LOC400499: variants seen among roughly 807,000 people sequenced by gnomAD.
At chr16:11,482,311 G>A in the LOC400499 span, among the ~76,000 whole-genome samples, 2 of 152,190 alleles carry the variant, frequency 1.3e-5, no homozygotes, top group Non-Finnish European at 2.9e-5. Flanking sequence ...GGGGTATGGG[G>A]AGTCCCTGGC....
the LOC400499 span, among the ~76,000 whole-genome samples, chr16:11,492,389 G>A: frequency 6.6e-6 from 1 of 151,656 alleles, no homozygotes; most frequent in Non-Finnish European, 1.5e-5. Context: ...CACTGTGCTA[G>A]GTGACAGCCA....
At chr16:11,427,594 C>T in the LOC400499 span, among the ~76,000 whole-genome samples, 7 of 151,814 alleles carry the variant, frequency 4.6e-5, no homozygotes, top group South Asian at 1.5e-3. Context: ...TAGGCATGCA[C>T]CACCATGCCC....
chr16:11,479,547 C>T, the LOC400499 span, among the ~76,000 whole-genome samples: 4 of 151,948 alleles, frequency 2.6e-5, no homozygotes, highest in Non-Finnish European at 5.9e-5. Context: ...CGCTTGAGCC[C>T]AGGAGTTCAA....
the LOC400499 span, among the ~76,000 whole-genome samples, chr16:11,420,883 T>G: frequency 1.3e-5 from 2 of 152,196 alleles, no homozygotes; most frequent in Admixed American, 1.3e-4. Context: ...AGCCCTGCTC[T>G]AGGCAGAAGG....
the LOC400499 span, chr16:11,478,108 T>C: frequency 1.3e-5 from 5 of 390,950 alleles, no homozygotes; most frequent in Admixed American, 1.4e-4. Context: ...AGCCCAAGAG[T>C]TTGAGACCAG....
chr16:11,477,272 G>T, the LOC400499 span, among the ~76,000 whole-genome samples: 1 of 152,216 alleles, frequency 6.6e-6, no homozygotes, highest in South Asian at 2.1e-4. Context: ...ACCCAGCCTA[G>T]GGCATCTGCA....
At chr16:11,383,902 CTCAAG>C in the LOC400499 span, 1 of 1,232,064 alleles carries the variant, frequency 8.1e-7, no homozygotes, top group African/African-American at 1.5e-5. Context: ...GAAGCAGTCC[CTCAAG>C]CTGGAGTGGG....
At chr16:11,377,037 T>G in the LOC400499 span, among the ~76,000 whole-genome samples, 1 of 151,608 alleles carries the variant, frequency 6.6e-6, no homozygotes, top group Admixed American at 6.6e-5. Flanking sequence ...ACTGACAGCC[T>G]TGACCTCTGA....
At chr16:11,380,739 C>G in the LOC400499 span, 1 of 152,192 alleles carries the variant, frequency 6.6e-6, no homozygotes, top group African/African-American at 2.4e-5. Context: ...AGGACCTTAA[C>G]TGCAGATACC....
the LOC400499 span, among the ~76,000 whole-genome samples, chr16:11,509,977 C>T: frequency 2.7e-5 from 4 of 146,884 alleles, no homozygotes; most frequent in Admixed American, 1.3e-4. Context: ...TCATTTTAAC[C>T]GTGTCCTTTT....
the LOC400499 span, chr16:11,387,267 G>A: frequency 2.4e-6 from 3 of 1,232,286 alleles, no homozygotes; most frequent in Non-Finnish European, 2.0e-6. Flanking sequence ...GCAGGCAACA[G>A]TGGCAGCATC....
chr16:11,391,899 C>T, the LOC400499 span: 1 of 1,113,218 alleles, frequency 9.0e-7, no homozygotes. Context: ...GGGTGAGGTC[C>T]AGGGCAGAGA....
the LOC400499 span, among the ~76,000 whole-genome samples, chr16:11,501,719 C>T: frequency 1.3e-5 from 2 of 152,076 alleles, no homozygotes; most frequent in African/African-American, 4.8e-5. Flanking sequence ...CAGCACCCCC[C>T]AGCCCAGACT....
At chr16:11,403,675 C>T in the LOC400499 span, among the ~76,000 whole-genome samples, 1 of 152,234 alleles carries the variant, frequency 6.6e-6, no homozygotes, top group Non-Finnish European at 1.5e-5. Context: ...GTGGGTCGGG[C>T]TCTGCTCTGT....
At chr16:11,431,019 G>A in the LOC400499 span, 10 of 399,086 alleles carry the variant, frequency 2.5e-5, no homozygotes, top group South Asian at 1.3e-4. Context: ...CCCCCATGGC[G>A]TTCCCCAGGC....
At chr16:11,390,065 G>A in the LOC400499 span, 1 of 1,191,384 alleles carries the variant, frequency 8.4e-7, no homozygotes. Flanking sequence ...CTGGTATGTG[G>A]CAGGCACGCA....
chr16:11,438,078 A>AC, the LOC400499 span, among the ~76,000 whole-genome samples: 1 of 152,116 alleles, frequency 6.6e-6, no homozygotes, highest in Non-Finnish European at 1.5e-5. Flanking sequence ...TCAGAGCCTC[A>AC]CCCACAAAAT....
At chr16:11,509,458 C>T in the LOC400499 span, among the ~76,000 whole-genome samples, 20 of 151,860 alleles carry the variant, frequency 1.3e-4, no homozygotes, top group African/African-American at 4.1e-4. Flanking sequence ...CAGCAGGACA[C>T]ACCCTGCCTT....
chr16:11,476,796 C>A, the LOC400499 span: 1 of 399,322 alleles, frequency 2.5e-6, no homozygotes, highest in East Asian at 3.6e-5. Context: ...CCTCCTCAGG[C>A]GTGTTCAGAT....
Sources: gnomAD v4.1 joint callset for allele counts (sites outside exome capture counted in the v4.1 genomes callset) on GRCh38, gnomAD v4.1.1 for gene constraint, MANE v1.5 for transcripts.